The following GYPC variants were observed in gnomAD, a reference collection of about 807,000 sequenced individuals.
GYPC encodes the protein glycophorin-C.
Under a neutral mutation model 12.6 loss-of-function variants are expected in GYPC, and 14 were observed. The observed-to-expected ratio is 1.11, with a 90% CI of 0.74 to 1.74. The LOEUF is 1.74. GYPC is among the 40% of genes most tolerant of loss of function. The pLI is 0.00. For synonymous variants in GYPC, 78 were observed against 62.1 expected (o/e 1.26, Z -1.20); for missense variants, 225 against 172.1 (o/e 1.31, Z -1.72).
chr2:126,680,076 C>G (rs1012874964), intron 1 of GYPC: 25 of 152,194 alleles, frequency 1.6e-4, no homozygotes, highest in African/African-American at 5.5e-4. Flanking sequence ...TAGTATTAAT[C>G]ACTCACTGTA....
chr2:126,662,788 A>G (rs2104770783), intron 1 of GYPC, among the ~76,000 whole-genome samples: 1 of 152,244 alleles, frequency 6.6e-6, no homozygotes, highest in South Asian at 2.1e-4. Context: ...TAAACATCCT[A>G]GTGTAGTGCC....
chr2:126,669,035 C>T (rs934818179), intron 1 of GYPC, among the ~76,000 whole-genome samples: 1 of 152,176 alleles, frequency 6.6e-6, no homozygotes, highest in African/African-American at 2.4e-5. Flanking sequence ...ATTCCCCCAA[C>T]GTAAATGGGT....
chr2:126,662,603 G>A (rs1682563324), intron 1 of GYPC, among the ~76,000 whole-genome samples: 1 of 152,174 alleles, frequency 6.6e-6, no homozygotes, highest in African/African-American at 2.4e-5. Context: ...CACTTCCTAG[G>A]TTTAATGCTC....
chr2:126,687,970 C>T (rs948155967), intron 1 of GYPC, among the ~76,000 whole-genome samples: 1 of 152,340 alleles, frequency 6.6e-6, no homozygotes, highest in East Asian at 1.9e-4. Flanking sequence ...CTCAAGGCTG[C>T]CAGGGCTTCA....
In GYPC at chr2:126,693,948, G is replaced by A. The variant is rs1683558983; in HGVS notation, c.190+1G>A. ...ATAATGGACATTGTCGTCATTGCAGGTGAGCTCTCATCACAGAGCCCTTCA... is the reference window on the plus strand; with the variant it reads ...ATAATGGACATTGTCGTCATTGCAGATGAGCTCTCATCACAGAGCCCTTCA... On this transcript the variant is annotated splice_donor_variant, in intron 3 of 3. Coordinates refer to ENST00000259254, the MANE Select transcript of GYPC (RefSeq NM_002101.5). LOFTEE classifies it high-confidence loss of function. The A allele has an allele frequency of 3.1e-6, 5 of 1,598,400 alleles. No homozygotes were observed. The highest frequency in any genetic ancestry group is 4.3e-6 in the Non-Finnish European group (5 of 1,165,812).
At chr2:126,694,440 C>A (rs2104811066) in intron 3 of GYPC, among the ~76,000 whole-genome samples, 1 of 152,286 alleles carries the variant, frequency 6.6e-6, no homozygotes, top group East Asian at 1.9e-4. Context: ...GTTTGAAGAA[C>A]AACCAAGTTT....
intron 1 of GYPC, among the ~76,000 whole-genome samples, chr2:126,681,461 T>C (rs1342591317): frequency 6.6e-6 from 1 of 152,246 alleles, no homozygotes; most frequent in South Asian, 2.1e-4. Flanking sequence ...CGGACTTTTG[T>C]TCCTGTTCCA....
intron 1 of GYPC, among the ~76,000 whole-genome samples, chr2:126,666,973 C>A (rs753448639): frequency 1.3e-5 from 2 of 152,162 alleles, no homozygotes; most frequent in Admixed American, 6.5e-5. Flanking sequence ...CATCTTTTGG[C>A]CTTGGGTGTT....
At chr2:126,677,512 TG>T (rs1683034782) in intron 1 of GYPC, among the ~76,000 whole-genome samples, 1 of 91,036 alleles carries the variant, frequency 1.1e-5, no homozygotes, top group African/African-American at 3.0e-5. Context: ...TGAGAGTGTG[TG>T]TGAGTCTGTG....
intron 2 of GYPC, among the ~76,000 whole-genome samples, chr2:126,691,850 C>A (rs1444965854): frequency 1.3e-5 from 2 of 152,160 alleles, no homozygotes; most frequent in Non-Finnish European, 2.9e-5. Flanking sequence ...ATGCTGTCTT[C>A]ACCTGGAAAA....
rs1682663446 is a variant in GYPC at position 126,665,809 on chromosome 2, G to A, written c.49+9497G>A. ...TTAATGCTGAAGGCATCACACAGAT[G>A]CAGATATTATTAATTCCAGTTTAGG... On this transcript the variant is annotated intron_variant, in intron 1 of 3. Coordinates refer to ENST00000259254, the MANE Select transcript of GYPC (RefSeq NM_002101.5). Among the ~76,000 whole-genome samples the A allele has an allele frequency of 2.0e-5, 3 of 152,254 alleles. No homozygotes were observed. The South Asian group carries it at 6.2e-4, about 31-fold the overall frequency.
At chr2:126,685,476 C>G (rs1297931708) in intron 1 of GYPC, among the ~76,000 whole-genome samples, 2 of 152,132 alleles carry the variant, frequency 1.3e-5, no homozygotes, top group South Asian at 4.1e-4. Context: ...CCTCCACCTC[C>G]CAGGTTCAAG....
chr2:126,688,764 C>T (rs115430277), intron 1 of GYPC, among the ~76,000 whole-genome samples: 1,662 of 152,202 alleles, frequency 0.011, 33 homozygotes, highest in African/African-American at 0.038. Context: ...CCCTCACCCA[C>T]TATGACTCCT....
At chr2:126,686,312 T>A in intron 1 of GYPC, 1 of 985,678 alleles carries the variant, frequency 1.0e-6, no homozygotes, top group Non-Finnish European at 1.2e-6. Flanking sequence ...AGCTGCCAAC[T>A]GAAGCAGAGA....
chr2:126,662,274 G>C (rs750781658), intron 1 of GYPC, among the ~76,000 whole-genome samples: 1 of 152,186 alleles, frequency 6.6e-6, no homozygotes, highest in African/African-American at 2.4e-5. Flanking sequence ...TGTATTCACC[G>C]GGCAACAGGG....
chr2:126,659,126 A>ATT (rs28387090), intron 1 of GYPC, among the ~76,000 whole-genome samples: 2 of 152,034 alleles, frequency 1.3e-5, no homozygotes, highest in Non-Finnish European at 2.9e-5. Flanking sequence ...CTCACACTGC[A>ATT]TTTTTTATCT....
chr2:126,672,413 A>T (rs1022089409), intron 1 of GYPC, among the ~76,000 whole-genome samples: 3 of 152,140 alleles, frequency 2.0e-5, no homozygotes, highest in Admixed American at 2.0e-4. Context: ...GCACACACAC[A>T]AACACACACA....
chr2:126,660,168 T>C (rs1308393475), intron 1 of GYPC, among the ~76,000 whole-genome samples: 1 of 152,230 alleles, frequency 6.6e-6, no homozygotes, highest in Non-Finnish European at 1.5e-5. Flanking sequence ...GCTGTGGCTC[T>C]GCACACTGAG....
chr2:126,656,477 G>C (rs929651446), intron 1 of GYPC, among the ~76,000 whole-genome samples, 165 bp downstream of exon 1: 1 of 152,182 alleles, frequency 6.6e-6, no homozygotes, highest in African/African-American at 2.4e-5. Context: ...TCCAGCCCCG[G>C]TTCCCCGGCG....
Sources: allele counts gnomAD v4.1 joint callset (sites outside exome capture counted in the v4.1 genomes callset), GRCh38; gene constraint gnomAD v4.1.1; transcripts MANE v1.5; gene names NCBI Gene and HGNC (gene_info 2026-07-23, HGNC 2026-07-21).